ROBO2: variants seen among roughly 807,000 people sequenced by gnomAD.
The protein encoded by ROBO2 is roundabout guidance receptor 2.
Under a neutral mutation model 160.8 loss-of-function variants are expected in ROBO2, and 53 were observed. The ratio of observed to expected loss-of-function variants is 0.33; its 90% CI spans 0.26 to 0.41. The LOEUF (loss-of-function observed/expected upper bound fraction) is 0.41, where lower values mean the gene tolerates loss of function less well. Ranked by LOEUF, ROBO2 falls within the 10% of genes least tolerant of loss-of-function variation. The pLI, the probability that ROBO2 is intolerant of heterozygous loss-of-function variation, is 1.00. For synonymous variants in ROBO2, 664 were observed against 611.7 expected, an observed-to-expected ratio of 1.09 and a Z score of -1.26; for missense variants, 1,577 against 1,722.4, an observed-to-expected ratio of 0.92 and a Z score of 1.49.
intron 2 of ROBO2, among the ~76,000 whole-genome samples, chr3:75,938,254 A>G (rs2107028500): frequency 6.6e-6 from 1 of 152,064 alleles, no homozygotes; most frequent in South Asian, 2.1e-4. Context: ...GATTTGATCA[A>G]TAGCTGTATG....
rs575955007 is a variant in ROBO2 at position 77,051,015 on chromosome 3, C to G, written c.61+10169C>G. ...CCAGGGTGACAGAGGGAGACCCTGT[C>G]TCAAAAAAAAAAAAAAAAATTCATC... On this transcript the variant is annotated intron_variant, in intron 1 of 25. Transcript: ENST00000461745. Among the ~76,000 whole-genome samples, 329 of 75,712 alleles carry G rather than the reference C, an allele frequency of 4.3e-3. 2 individuals carry two copies. The highest frequency in any genetic ancestry group is 0.012 in the African/African-American group (313 of 25,166). The allele number at this position is 75,712 out of a possible 152,430, so 49.7% of individuals were successfully genotyped here. A position where few individuals can be genotyped will look rare whatever the true frequency, so the allele number is the denominator to read the frequency against.
intron 2 of ROBO2, among the ~76,000 whole-genome samples, chr3:76,619,042 A>G (rs1560244813): frequency 6.6e-6 from 1 of 151,830 alleles, no homozygotes; most frequent in Admixed American, 6.5e-5. Flanking sequence ...GTGAGAGAAA[A>G]AGGAAAGAAA....
At chr3:77,018,512 A>G (rs1349796648) in intron 2 of ROBO2, among the ~76,000 whole-genome samples, 1 of 152,220 alleles carries the variant, frequency 6.6e-6, no homozygotes, top group Non-Finnish European at 1.5e-5. Flanking sequence ...CTACAAGGCT[A>G]TATCCTCTTA....
intron 2 of ROBO2, among the ~76,000 whole-genome samples, chr3:77,476,982 C>A (rs1032511994): frequency 1.1e-4 from 16 of 152,174 alleles, no homozygotes; most frequent in African/African-American, 3.6e-4. Context: ...AGAATTCTCA[C>A]CCCACTTTCC....
chr3:77,306,829 C>A (rs1016035413), intron 2 of ROBO2, among the ~76,000 whole-genome samples: 9 of 151,890 alleles, frequency 5.9e-5, no homozygotes, highest in Non-Finnish European at 1.2e-4. Context: ...ATCATTCACC[C>A]CAACATTTTT....
intron 2 of ROBO2, among the ~76,000 whole-genome samples, chr3:76,310,876 G>A (rs369583630): frequency 1.3e-5 from 2 of 152,140 alleles, no homozygotes; most frequent in South Asian, 2.1e-4. Context: ...TTGGTTGCAC[G>A]GCTATTAGGA....
At chr3:76,033,789 C>T (rs542783343) in intron 2 of ROBO2, among the ~76,000 whole-genome samples, 1 of 152,210 alleles carries the variant, frequency 6.6e-6, no homozygotes, top group South Asian at 2.1e-4. Context: ...GGCATGGGTA[C>T]TTGCTGTTGT....
chr3:75,934,869 G>A (rs1947703038), intron 1 of ROBO2, among the ~76,000 whole-genome samples: 1 of 152,042 alleles, frequency 6.6e-6, no homozygotes, highest in African/African-American at 2.4e-5. Context: ...ACTACTGGAT[G>A]TAGGTAAGAA....
chr3:77,344,454 T>C (rs1326783831), intron 2 of ROBO2, among the ~76,000 whole-genome samples: 2 of 152,068 alleles, frequency 1.3e-5, no homozygotes, highest in Admixed American at 6.6e-5. Flanking sequence ...CCCTCATGAA[T>C]GGGATTAGTG....
At chr3:77,018,606 A>G (rs2062430468) in intron 2 of ROBO2, among the ~76,000 whole-genome samples, 1 of 152,150 alleles carries the variant, frequency 6.6e-6, no homozygotes, top group Admixed American at 6.5e-5. Flanking sequence ...ACATCACTAC[A>G]TATTTTTATC....
intron 3 of ROBO2, 145 bp downstream of exon 3, chr3:77,477,716 A>G: frequency 1.1e-6 from 1 of 898,234 alleles, no homozygotes; most frequent in Non-Finnish European, 1.7e-6. Context: ...AGATTTAAAA[A>G]CATTTGGATG....
intron 2 of ROBO2, among the ~76,000 whole-genome samples, chr3:77,255,203 T>G (rs1382090361): frequency 1.3e-5 from 2 of 152,160 alleles, no homozygotes; most frequent in African/African-American, 4.8e-5. Context: ...TGAAATCAAA[T>G]TAAGTTACAT....
intron 2 of ROBO2, among the ~76,000 whole-genome samples, chr3:77,345,676 C>T (rs900657819): frequency 1.3e-5 from 2 of 152,036 alleles, no homozygotes; most frequent in East Asian, 1.9e-4. Flanking sequence ...TGATTAGGCA[C>T]TTAAATTAGC....
intron 2 of ROBO2, among the ~76,000 whole-genome samples, chr3:76,772,364 A>G (rs2061958970): frequency 1.3e-5 from 2 of 150,406 alleles, no homozygotes; most frequent in Admixed American, 1.3e-4. Context: ...TATATATATA[A>G]TACACATTTA....
intron 2 of ROBO2, among the ~76,000 whole-genome samples, chr3:76,004,622 G>A (rs1190028163): frequency 6.6e-6 from 1 of 152,088 alleles, no homozygotes; most frequent in African/African-American, 2.4e-5. Flanking sequence ...TATCTCCGGG[G>A]TCTCTTATAA....
intron 2 of ROBO2, among the ~76,000 whole-genome samples, chr3:76,902,165 C>T (rs780197303): frequency 6.6e-6 from 1 of 151,786 alleles, no homozygotes; most frequent in Admixed American, 6.6e-5. Flanking sequence ...ATGGAGGTAC[C>T]ATAACATTAT....
rs13323683 is a variant in ROBO2, at chr3:76,403,403, T to A, written c.109+465801T>A. Among the ~76,000 whole-genome samples, 375 of 151,810 alleles carry A rather than the reference T, an allele frequency of 2.5e-3. 2 individuals carry two copies. The highest frequency in any genetic ancestry group is 8.8e-3 in the African/African-American group (365 of 41,508). ...TAAATAATCTATTTTTAAAAACCAT[T>A]TACCAAGAGAGGCATTCATTCTTTT... On this transcript the variant is annotated intron_variant, in intron 2 of 26. Coordinates refer to the ROBO2 transcript ENST00000487694.
chr3:76,649,075 A>C (rs973472584), intron 2 of ROBO2, among the ~76,000 whole-genome samples: 2 of 152,132 alleles, frequency 1.3e-5, no homozygotes, highest in Non-Finnish European at 2.9e-5. Context: ...CCAGTATAGT[A>C]GGAAGATGAT....
chr3:75,913,899 A>T (rs1038748801), intron 1 of ROBO2, among the ~76,000 whole-genome samples: 4 of 152,312 alleles, frequency 2.6e-5, no homozygotes, highest in South Asian at 4.1e-4. Context: ...ATTTTATCTC[A>T]TGAGTTATAT....
Sources: allele counts gnomAD v4.1 joint callset (sites outside exome capture counted in the v4.1 genomes callset), GRCh38; gene constraint gnomAD v4.1.1; transcripts MANE v1.5; gene names NCBI Gene and HGNC (gene_info 2026-07-23, HGNC 2026-07-21).